Variants in ERI1 observed in about 807,000 individuals in gnomAD.
The protein encoded by ERI1 is 3'-5' exoribonuclease 1.
Under a neutral mutation model 39.7 loss-of-function variants are expected in ERI1, and 39 were observed. The ratio of observed to expected loss-of-function variants is 0.98; its 90% CI spans 0.76 to 1.28. The LOEUF (loss-of-function observed/expected upper bound fraction) is 1.28, where lower values mean the gene tolerates loss of function less well. Ranked by LOEUF, ERI1 falls within the 50% of genes most tolerant of loss-of-function variation. The pLI, the probability that ERI1 is intolerant of heterozygous loss-of-function variation, is 0.00. For missense variants in ERI1, 581 were observed against 416.9 expected, an observed-to-expected ratio of 1.39 and a Z score of -3.43; for synonymous variants, 204 against 149.6, an observed-to-expected ratio of 1.36 and a Z score of -2.65.
At chr8:9,078,959 A>T (rs572117090) in intron 3 of ERI1, among the ~76,000 whole-genome samples, 98 of 152,098 alleles carry the variant, frequency 6.4e-4, no homozygotes, top group Non-Finnish European at 1.0e-3. Flanking sequence ...TTATCAGGAT[A>T]AAAAAAATGT....
intron 6 of ERI1, among the ~76,000 whole-genome samples, chr8:9,029,106 T>C (rs1013388173): frequency 1.1e-4 from 16 of 151,980 alleles, no homozygotes; most frequent in African/African-American, 3.9e-4. Flanking sequence ...AGTCTTTTTA[T>C]CTAAGAAATC....
intron 3 of ERI1, among the ~76,000 whole-genome samples, chr8:9,042,987 A>T (rs961564424): frequency 6.6e-6 from 1 of 152,198 alleles, no homozygotes; most frequent in East Asian, 1.9e-4. Flanking sequence ...TGGAGAAGAA[A>T]GGTGTGGCTG....
intron 3 of ERI1, among the ~76,000 whole-genome samples, chr8:9,050,535 G>A (rs1277776645): frequency 2.0e-5 from 3 of 151,466 alleles, no homozygotes; most frequent in African/African-American, 7.3e-5. Context: ...TTCTAGGTCT[G>A]TTCTTGAAGC....
At position 9,032,280 on chromosome 8, in the gene ERI1, A is replaced by T. The variant is rs1009803288; in HGVS notation, c.*2246A>T. On this transcript the variant is annotated 3_prime_UTR_variant, in exon 7 of 7. Coordinates refer to ENST00000250263, the MANE Select transcript of ERI1 (RefSeq NM_153332.4). ...GTATATTCTATTATTGTTTCTTATT[A>T]ATAGTTACTTAGTATTTACAAACAA... 6 of 150,226 alleles carry T rather than the reference A, an allele frequency of 4.0e-5. No individual in the cohort carries two copies. The highest frequency in any genetic ancestry group is 7.3e-5 in the Non-Finnish European group (5 of 68,028). 9.3% of individuals were successfully genotyped at this position (150,226 alleles called of 1,614,324 possible).
At position 9,008,186 on chromosome 8, in the gene ERI1, C is replaced by T. The variant is rs776049145; in HGVS notation, c.287+38C>T. Reference sequence around the variant, plus strand: ...AACTTATAAAATTATAAAAGTAGTACATGCTCATTTTAGAAAATCTTGAAA... The same window carrying T: ...AACTTATAAAATTATAAAAGTAGTATATGCTCATTTTAGAAAATCTTGAAA... On this transcript the variant is annotated intron_variant, in intron 2 of 6. Coordinates refer to ENST00000250263, the MANE Select transcript of ERI1 (RefSeq NM_153332.4). 17 of 1,430,846 alleles carry T rather than the reference C, an allele frequency of 1.2e-5. No individual in the cohort carries two copies. In the African/African-American group the frequency reaches 2.2e-4, roughly 18 times the overall value. The allele number at this position is 1,430,846 out of a possible 1,614,324, so 88.6% of individuals were successfully genotyped here.
intron 3 of ERI1, among the ~76,000 whole-genome samples, chr8:9,086,509 C>T (rs907952181): frequency 1.3e-5 from 2 of 152,132 alleles, no homozygotes; most frequent in African/African-American, 4.8e-5. Context: ...GAGATCACGC[C>T]ACGTCACTCC....
At chr8:9,055,385 A>T (rs538758176) in intron 3 of ERI1, among the ~76,000 whole-genome samples, 2 of 152,362 alleles carry the variant, frequency 1.3e-5, no homozygotes, top group African/African-American at 4.8e-5. Context: ...ACTTGACTTA[A>T]CAGAACTGAT....
Position 9,032,928 on chromosome 8 carries a change from C to T in ERI1, c.*2894C>T, listed in dbSNP as rs1797692924. ...TGAAGGAAGACTTTCCATTTCTAAG[C>T]TACCATGGAGAAGTATATGCTCCTC... On this transcript the variant is annotated 3_prime_UTR_variant, in exon 7 of 7. Transcript: ENST00000250263. 6.6e-6 allele frequency: 1 copy of T among 152,186 alleles called. No individual in the cohort carries two copies. The highest frequency in any genetic ancestry group is 2.4e-5 in the African/African-American group (1 of 41,446). The allele number at this position is 152,186 out of a possible 1,614,324, so 9.4% of individuals were successfully genotyped here.
Position 9,030,894 on chromosome 8 carries a change from A to G in ERI1, c.*860A>G, listed in dbSNP as rs1797541697. On this transcript the variant is annotated 3_prime_UTR_variant, in exon 7 of 7. Coordinates refer to ENST00000250263, the MANE Select transcript of ERI1 (RefSeq NM_153332.4). ...CGTAAGTGAGGTTAATAAAGTCAAT[A>G]CTTTCTACCATATATTACGTTTTTG... The G allele has an allele frequency of 1.3e-5, 2 of 152,174 alleles. No individual in the cohort carries two copies. Among genetic ancestry groups the G allele is most frequent in the African/African-American group, 2.4e-5 (1 of 41,438 alleles). 9.4% of individuals were successfully genotyped at this position (152,174 alleles called of 1,614,324 possible).
intron 3 of ERI1, among the ~76,000 whole-genome samples, chr8:9,052,797 A>G (rs957300847): frequency 6.6e-6 from 1 of 152,192 alleles, no homozygotes; most frequent in Non-Finnish European, 1.5e-5. Context: ...GTCTGTTGTT[A>G]TACATGAATC....
At position 9,046,495 on chromosome 8, in the gene ERI1, C is replaced by T. The variant is rs565317781; in HGVS notation, n.299+26031C>T. On this transcript the variant is annotated intron_variant and non_coding_transcript_variant, in intron 3 of 3. Coordinates refer to the ERI1 transcript ENST00000518663. The stretch of plus-strand genomic sequence containing the variant: ...TATTTCTTTGAGAAATTCCCCTCTC[C>T]GGCTAAGGACAGCACAAGTTGGTTT... Among the ~76,000 whole-genome samples the T allele has an allele frequency of 8.5e-5, 13 of 152,296 alleles. 1 individual carries two copies. The South Asian group carries it at 1.0e-3, about 12-fold the overall frequency.
intron 3 of ERI1, among the ~76,000 whole-genome samples, chr8:9,063,713 C>T (rs1362617738): frequency 1.3e-5 from 2 of 152,082 alleles, no homozygotes; most frequent in Non-Finnish European, 2.9e-5. Flanking sequence ...AGACCATTTG[C>T]CCATTTTACA....
At chr8:9,088,101 T>C (rs1799586334) in intron 3 of ERI1, among the ~76,000 whole-genome samples, 1 of 152,042 alleles carries the variant, frequency 6.6e-6, no homozygotes, top group Non-Finnish European at 1.5e-5. Flanking sequence ...TGATTTCTGA[T>C]CCTCATGGCC....
At chr8:9,012,002 G>A (rs538121967) in intron 3 of ERI1, among the ~76,000 whole-genome samples, 1 of 150,488 alleles carries the variant, frequency 6.6e-6, no homozygotes, top group South Asian at 2.1e-4. Flanking sequence ...ACATCTGGGT[G>A]TGGACATCAG....
At position 9,003,250 on chromosome 8, in the gene ERI1, G is replaced by C. The variant is rs1037035106; in HGVS notation, c.108+79G>C. ...CGCCCTCGGCACCCCTTTCTTCTCA[G>C]GTGTCCCGCAGAAGGTGCAGCTGTG... On this transcript the variant is annotated intron_variant, in intron 1 of 6. Transcript: ENST00000250263. 4 of 880,020 alleles carry C rather than the reference G, an allele frequency of 4.5e-6. No homozygotes were observed. In the East Asian group the frequency reaches 1.0e-4, roughly 22 times the overall value. 54.5% of individuals were successfully genotyped at this position (880,020 alleles called of 1,614,324 possible). A position where few individuals can be genotyped will look rare whatever the true frequency, so the allele number is the denominator to read the frequency against.
intron 1 of ERI1, chr8:9,004,257 C>T (rs1269258070): frequency 1.7e-6 from 2 of 1,196,092 alleles, no homozygotes; most frequent in African/African-American, 3.2e-5. Context: ...CTTCCACCTG[C>T]CTCCCTCTTC....
chr8:9,055,157 C>T (rs898238745), intron 3 of ERI1, among the ~76,000 whole-genome samples: 3 of 152,164 alleles, frequency 2.0e-5, no homozygotes, highest in Non-Finnish European at 4.4e-5. Context: ...GAGTGACATA[C>T]AGAAAACGGA....
At chr8:9,043,089 G>A (rs149017391) in intron 3 of ERI1, among the ~76,000 whole-genome samples, 7 of 152,288 alleles carry the variant, frequency 4.6e-5, no homozygotes, top group Non-Finnish European at 7.4e-5. Flanking sequence ...TTAGGTTTCT[G>A]GCCTTGGAAC....
At chr8:9,091,318 C>G (rs1290347714) in intron 3 of ERI1, 1 of 152,032 alleles carries the variant, frequency 6.6e-6, no homozygotes, top group Non-Finnish European at 1.5e-5. Flanking sequence ...GTCAGGAGTT[C>G]AAGACCAGCC....
Sources: allele counts gnomAD v4.1 joint callset (sites outside exome capture counted in the v4.1 genomes callset), GRCh38; gene constraint gnomAD v4.1.1; transcripts MANE v1.5; gene names NCBI Gene and HGNC (gene_info 2026-07-23, HGNC 2026-07-21).